PPP3CA: variants seen among roughly 807,000 people sequenced by gnomAD.
PPP3CA encodes CAM-PRP catalytic subunit.
A neutral mutation model predicts 66.5 loss-of-function variants in PPP3CA; 14 were observed. That is an observed-to-expected ratio of 0.21 (90% CI 0.14 to 0.33). The LOEUF (loss-of-function observed/expected upper bound fraction) is 0.33. PPP3CA is among the 10% of genes least tolerant of loss of function. The pLI is 1.00. For synonymous variants in PPP3CA, 232 were observed against 226.2 expected, an observed-to-expected ratio of 1.03 and a Z score of -0.23; for missense variants, 317 against 639.5, an observed-to-expected ratio of 0.50 and a Z score of 5.44.
intron 8 of PPP3CA, among the ~76,000 whole-genome samples, chr4:101,063,654 A>C (rs1728564231): frequency 6.6e-6 from 1 of 151,960 alleles, no homozygotes; most frequent in Non-Finnish European, 1.5e-5. Flanking sequence ...CCTTTCAGCC[A>C]AGAATACTTT....
chr4:101,318,860 C>T (rs1220921746), intron 1 of PPP3CA, among the ~76,000 whole-genome samples: 2 of 152,046 alleles, frequency 1.3e-5, no homozygotes, highest in Admixed American at 1.3e-4. Flanking sequence ...CACATTACCA[C>T]TCATATTTAA....
Position 101,346,743 on chromosome 4 carries a change from C to G in PPP3CA, c.54G>C (p.Val18=). 1 of 1,611,388 alleles carries G rather than the reference C, an allele frequency of 6.2e-7. No homozygotes were observed. The highest frequency in any genetic ancestry group is 8.5e-7 in the Non-Finnish European group (1 of 1,179,116). ...CCACCGCGGCGCTCCGCTTACCTTT[C>G]ACCACCCTGTCGGTCGTCGACAACT... ...DPKLSTTDRV[V]KAVPFPPSHR... Residue 18 remains valine, a synonymous_variant, in exon 1 of 14, where the codon GTG becomes GTC. Coordinates refer to ENST00000394854, the MANE Select transcript of PPP3CA (RefSeq NM_000944.5).
intron 2 of PPP3CA, among the ~76,000 whole-genome samples, chr4:101,114,269 T>C (rs1282927956): frequency 2.0e-5 from 3 of 152,088 alleles, no homozygotes; most frequent in East Asian, 1.9e-4. Context: ...TAGAGAGTTA[T>C]AGCATTTAAC....
chr4:101,286,534 T>C (rs1727852799), intron 1 of PPP3CA, among the ~76,000 whole-genome samples: 1 of 152,128 alleles, frequency 6.6e-6, no homozygotes, highest in African/African-American at 2.4e-5. Flanking sequence ...CAAATGGAAG[T>C]TATGAAGTTA....
At chr4:101,299,138 A>G (rs1272814326) in intron 1 of PPP3CA, among the ~76,000 whole-genome samples, 1 of 109,604 alleles carries the variant, frequency 9.1e-6, no homozygotes, top group Non-Finnish European at 1.7e-5. Flanking sequence ...TTTTTGGTAC[A>G]GAAGGGGTCT....
chr4:101,203,748 A>C (rs1300666909), intron 1 of PPP3CA, among the ~76,000 whole-genome samples: 1 of 152,150 alleles, frequency 6.6e-6, no homozygotes, highest in Non-Finnish European at 1.5e-5. Flanking sequence ...CACAGAAATG[A>C]GTGACAGTCC....
intron 8 of PPP3CA, among the ~76,000 whole-genome samples, chr4:101,066,060 A>G (rs1223641462): frequency 6.6e-6 from 1 of 152,144 alleles, no homozygotes; most frequent in Non-Finnish European, 1.5e-5. Context: ...GGTTCTTATC[A>G]TTTATATTTT....
chr4:101,339,060 T>C (rs546314359), intron 1 of PPP3CA, among the ~76,000 whole-genome samples: 10 of 152,326 alleles, frequency 6.6e-5, no homozygotes, highest in African/African-American at 1.9e-4. Flanking sequence ...GCCACCTTTT[T>C]CTTAACTTTT....
rs556244769 is a variant in PPP3CA, at chr4:101,299,106, GTTTTTTTTTTT to G, written c.58+47622_58+47632del. Among the ~76,000 whole-genome samples, 35 of 85,550 alleles carry G rather than the reference GTTTTTTTTTTT, an allele frequency of 4.1e-4. 1 individual carries two copies. Among genetic ancestry groups the G allele is most frequent in the African/African-American group, 2.0e-3 (35 of 17,894 alleles). 56.1% of individuals were successfully genotyped at this position (85,550 alleles called of 152,430 possible). On this transcript the variant is annotated intron_variant, in intron 1 of 13. Transcript: ENST00000394854. ...ATGTCAATATCAAGTGCCATATATCGTTTTTTTTTTTTTTTTTTTTTTTTTTGGTACAGAAG... is the reference window on the plus strand; with the variant it reads ...ATGTCAATATCAAGTGCCATATATCGTTTTTTTTTTTTTTTGGTACAGAAG...
chr4:101,073,686 A>C (rs113970590), intron 8 of PPP3CA, among the ~76,000 whole-genome samples: 3 of 152,200 alleles, frequency 2.0e-5, no homozygotes, highest in African/African-American at 7.2e-5. Flanking sequence ...CTTAATAATC[A>C]TTAAGAATAA....
intron 2 of PPP3CA, among the ~76,000 whole-genome samples, chr4:101,145,262 T>C (rs1000294714): frequency 2.0e-5 from 3 of 152,190 alleles, no homozygotes; most frequent in African/African-American, 4.8e-5. Context: ...AGAGTTACCA[T>C]ATGATCTAAC....
intron 1 of PPP3CA, among the ~76,000 whole-genome samples, chr4:101,340,751 T>G (rs1007439573): frequency 1.4e-4 from 22 of 152,144 alleles, no homozygotes; most frequent in Non-Finnish European, 1.5e-5. Flanking sequence ...AAAATAGGAA[T>G]GCAACACCTC....
At chr4:101,124,739 GAAAGAA>G (rs1560614541) in intron 2 of PPP3CA, among the ~76,000 whole-genome samples, 108 of 87,164 alleles carry the variant, frequency 1.2e-3, no homozygotes, top group East Asian at 2.6e-3. Flanking sequence ...AAGAAAGAAA[GAAAGAA>G]AGAAAGAAAG....
chr4:101,223,464 C>T (rs1725686512), intron 1 of PPP3CA, among the ~76,000 whole-genome samples: 1 of 151,724 alleles, frequency 6.6e-6, no homozygotes, highest in African/African-American at 2.4e-5. Flanking sequence ...ATTCCACTTA[C>T]CAAGAAAACA....
chr4:101,236,184 C>T (rs1726123100), intron 1 of PPP3CA, among the ~76,000 whole-genome samples: 1 of 151,876 alleles, frequency 6.6e-6, no homozygotes, highest in African/African-American at 2.4e-5. Context: ...GGTGCAAAGA[C>T]AGAAAGTAAA....
chr4:101,346,149 TC>T (rs1260148140), intron 1 of PPP3CA, among the ~76,000 whole-genome samples: 1 of 149,682 alleles, frequency 6.7e-6, no homozygotes, highest in East Asian at 2.0e-4. Context: ...CCCCACGCTC[TC>T]CCGCTCTCTC....
rs202222838 is a variant in PPP3CA at position 101,040,465 on chromosome 4, A to G, written c.1241+17T>C. 2,735 of 1,555,172 alleles carry G rather than the reference A, an allele frequency of 1.8e-3. 5 individuals carry two copies. The highest frequency in any genetic ancestry group is 2.2e-3 in the Non-Finnish European group (2,554 of 1,146,510). ...ATAATACAATTTGAAACAAAAACAG[A>G]GTACGAATGCACCCACCTGAGCACT... is the stretch of plus-strand genomic sequence containing the variant. On this transcript the variant is annotated intron_variant, in intron 11 of 13. Coordinates refer to ENST00000394854, the MANE Select transcript of PPP3CA (RefSeq NM_000944.5).
At chr4:101,148,471 C>T (rs1213567598) in intron 2 of PPP3CA, among the ~76,000 whole-genome samples, 1 of 151,982 alleles carries the variant, frequency 6.6e-6, no homozygotes, top group Non-Finnish European at 1.5e-5. Context: ...TTTTAGATGC[C>T]ATGAAAAGAA....
chr4:101,089,459 T>C (rs561068632), intron 6 of PPP3CA, among the ~76,000 whole-genome samples: 86 of 152,198 alleles, frequency 5.7e-4, no homozygotes, highest in Non-Finnish European at 1.0e-3. Flanking sequence ...AGTTGCTACC[T>C]GTAGCTTCCA....
Sources: allele counts gnomAD v4.1 joint callset (sites outside exome capture counted in the v4.1 genomes callset), GRCh38; gene constraint gnomAD v4.1.1; transcripts MANE v1.5; gene names NCBI Gene and HGNC (gene_info 2026-07-23, HGNC 2026-07-21).